The following NTRK3 variants were observed in gnomAD, a reference collection of about 807,000 sequenced individuals.
NTRK3 encodes neurotrophic receptor tyrosine kinase 3.
In NTRK3, 24 loss-of-function variants were observed where a neutral mutation model predicts 91.7. The observed-to-expected ratio is 0.26, with a 90% CI of 0.19 to 0.37. The LOEUF (loss-of-function observed/expected upper bound fraction) is 0.37, where lower values mean the gene tolerates loss of function less well. Among genes scored for constraint, NTRK3 ranks in the 10% least tolerant of loss-of-function variants. The pLI is 1.00. For synonymous variants in NTRK3, 483 were observed against 404.0 expected (o/e 1.20, Z -2.34); for missense variants, 880 against 1,068.9 (o/e 0.82, Z 2.46).
At chr15:88,033,107 G>C (rs1248261104) in intron 13 of NTRK3, 62 bp from the exon 14 acceptor site, 1 of 1,496,394 alleles carries the variant, frequency 6.7e-7, no homozygotes. Flanking sequence ...TTCCAGCCCT[G>C]TCCACAGACA....
At chr15:87,890,091 C>T (rs1412012331) in intron 17 of NTRK3, among the ~76,000 whole-genome samples, 3 of 152,000 alleles carry the variant, frequency 2.0e-5, no homozygotes, top group Non-Finnish European at 4.4e-5. Context: ...GCCGCATTTC[C>T]TATAATCAGG....
chr15:88,115,494 C>A (rs2051944610), intron 13 of NTRK3, among the ~76,000 whole-genome samples: 1 of 152,202 alleles, frequency 6.6e-6, no homozygotes, highest in African/African-American at 2.4e-5. Context: ...ACCCGGACGC[C>A]CTCCTTGGGG....
chr15:88,042,753 T>G (rs189946195), intron 13 of NTRK3, among the ~76,000 whole-genome samples: 3 of 152,262 alleles, frequency 2.0e-5, no homozygotes, highest in Non-Finnish European at 2.9e-5. Flanking sequence ...CCTCCCTTAA[T>G]CATCACCACA....
At position 87,999,966 on chromosome 15, in the gene NTRK3, A is replaced by G. The variant is rs371096303; in HGVS notation, c.1585+32891T>C. On this transcript the variant is annotated intron_variant, in intron 14 of 18. Transcript: ENST00000394480. Reference sequence around the variant, plus strand: ...CACAGACTTAGGGATCTGAGAGTACAGGGCTTGGACTTCTTAGTGCTATGA... The same window carrying G: ...CACAGACTTAGGGATCTGAGAGTACGGGGCTTGGACTTCTTAGTGCTATGA... Among the ~76,000 whole-genome samples, 17 of 152,354 alleles carry G rather than the reference A, an allele frequency of 1.1e-4. No individual in the cohort carries two copies. The East Asian group carries it at 1.9e-3, about 17-fold the overall frequency.
chr15:88,240,576 G>A lies in NTRK3; in HGVS notation c.248+15330C>T, dbSNP rs1422064183. 6.6e-6 allele frequency among the ~76,000 whole-genome samples: 1 copy of A among 152,170 alleles called. No homozygotes were observed. The highest frequency in any genetic ancestry group is 2.4e-5 in the African/African-American group (1 of 41,432). The stretch of plus-strand genomic sequence containing the variant: ...TGGGGCTGGCAGGAAATGGAAAGGG[G>A]TCTGTAATACAGGGCTGCCCCCCTG... On this transcript the variant is annotated intron_variant, in intron 3 of 18. Transcript: ENST00000394480. This position sits in a 1 kb window ranked among gnomAD's most constrained non-coding sequence, Gnocchi z 4.9.
chr15:88,148,632 G>T (rs998302581), intron 5 of NTRK3, among the ~76,000 whole-genome samples: 6 of 152,126 alleles, frequency 3.9e-5, no homozygotes, highest in Admixed American at 1.3e-4. Flanking sequence ...AGGGGGAGAG[G>T]CATTCACGCC....
chr15:87,951,103 C>T (rs1019999099), intron 14 of NTRK3, among the ~76,000 whole-genome samples: 5 of 152,178 alleles, frequency 3.3e-5, no homozygotes, highest in Non-Finnish European at 7.4e-5. Flanking sequence ...CATGTGAGCT[C>T]GTGCTGTGCA....
At chr15:88,232,883 A>G (rs1161566232) in intron 3 of NTRK3, among the ~76,000 whole-genome samples, 1 of 152,158 alleles carries the variant, frequency 6.6e-6, no homozygotes, top group Non-Finnish European at 1.5e-5. Flanking sequence ...CTACCCCCAC[A>G]CACCCAGGAA....
intron 7 of NTRK3, 34 bp downstream of exon 7, chr15:88,137,370 T>C: frequency 6.2e-7 from 1 of 1,611,240 alleles, no homozygotes; most frequent in South Asian, 1.1e-5. Flanking sequence ...GATGCCTCCC[T>C]GGAGCCAGCT....
In NTRK3 at chr15:88,127,106, A is replaced by T. The variant is rs189282727; in HGVS notation, c.1293+56T>A. 2.3e-5 allele frequency: 33 copies of T among 1,425,778 alleles called. No homozygotes were observed. The East Asian group carries it at 6.4e-4, about 28-fold the overall frequency. 88.3% of individuals were successfully genotyped at this position (1,425,778 alleles called of 1,614,324 possible). On this transcript the variant is annotated intron_variant, in intron 12 of 18. Transcript: ENST00000394480. ...TTGGAAAAGTTAGCAACACAAATGA[A>T]GTCTGAAAATGACTATGCCAGTCAA...
rs1268184514 is a variant in NTRK3, at chr15:88,240,946, C to T, written c.248+14960G>A. ...TTCTGCATGGAGGCATGTGTGCCCT[C>T]AGCAAGCTGGGAGGGTTGCTGTGGG... On this transcript the variant is annotated intron_variant, in intron 3 of 18. Transcript: ENST00000394480. This position sits in a 1 kb window ranked among gnomAD's most constrained non-coding sequence, Gnocchi z 4.9. 6.6e-6 allele frequency among the ~76,000 whole-genome samples: 1 copy of T among 152,198 alleles called. No homozygotes were observed. Among genetic ancestry groups the T allele is most frequent in the Non-Finnish European group, 1.5e-5 (1 of 68,042 alleles).
At chr15:87,910,290 G>A (rs1194335718) in intron 17 of NTRK3, among the ~76,000 whole-genome samples, 3 of 152,246 alleles carry the variant, frequency 2.0e-5, no homozygotes, top group Non-Finnish European at 4.4e-5. Context: ...GACCAGGCAT[G>A]GACCCGGGCA....
chr15:88,197,094 CAAAAAAAAAAAAA>C lies in NTRK3; in HGVS notation c.249-12808_249-12796del, dbSNP rs59553739. 6.4e-3 allele frequency among the ~76,000 whole-genome samples: 360 copies of C among 56,568 alleles called. 1 individual carries two copies. The highest frequency in any genetic ancestry group is 0.01 in the Admixed American group (31 of 3,016). 37.1% of individuals were successfully genotyped at this position (56,568 alleles called of 152,430 possible). ...AGAAGAGGTCTATGGTTGAGCAGGA[CAAAAAAAAAAAAA>C]AAAAAAAAAAAAAAAAAAAACCTCT... On this transcript the variant is annotated intron_variant, in intron 3 of 18. Coordinates refer to ENST00000394480, the Ensembl canonical transcript of NTRK3.
At chr15:88,139,960 A>G (rs1221553917) in intron 6 of NTRK3, among the ~76,000 whole-genome samples, 1 of 152,078 alleles carries the variant, frequency 6.6e-6, no homozygotes, top group Non-Finnish European at 1.5e-5. Flanking sequence ...AGTAGAAGGA[A>G]GTAACAAAGG....
intron 17 of NTRK3, among the ~76,000 whole-genome samples, chr15:87,912,464 A>C (rs1453149593): frequency 6.6e-6 from 1 of 152,154 alleles, no homozygotes; most frequent in African/African-American, 2.4e-5. Flanking sequence ...TCTGAGCTTT[A>C]ATTTACTTGT....
intron 17 of NTRK3, among the ~76,000 whole-genome samples, chr15:87,893,757 C>T (rs1185396854): frequency 2.0e-5 from 3 of 152,170 alleles, no homozygotes; most frequent in African/African-American, 7.2e-5. Flanking sequence ...TCCGATGAGG[C>T]ATACAGGACA....
chr15:88,061,625 C>T (rs2046225990), intron 13 of NTRK3, among the ~76,000 whole-genome samples: 1 of 152,260 alleles, frequency 6.6e-6, no homozygotes, highest in Non-Finnish European at 1.5e-5. Context: ...GGCGAGGGCT[C>T]ACTAAGCCAG....
At chr15:88,015,702 G>A (rs2077188357) in intron 14 of NTRK3, among the ~76,000 whole-genome samples, 1 of 152,118 alleles carries the variant, frequency 6.6e-6, no homozygotes, top group Non-Finnish European at 1.5e-5. Context: ...ATGCCACTCT[G>A]TTCATCTCTC....
At chr15:87,890,294 G>C (rs931292234) in intron 17 of NTRK3, among the ~76,000 whole-genome samples, 1 of 152,134 alleles carries the variant, frequency 6.6e-6, no homozygotes, top group South Asian at 2.1e-4. Context: ...GATGATCACT[G>C]CCCAGGTCCA....
Sources: allele counts gnomAD v4.1 joint callset (sites outside exome capture counted in the v4.1 genomes callset), GRCh38; gene constraint gnomAD v4.1.1; non-coding constraint Gnocchi (gnomAD v3.1); transcripts MANE v1.5; gene names NCBI Gene and HGNC (gene_info 2026-07-23, HGNC 2026-07-21).